PCDHA2: variants seen among roughly 807,000 people sequenced by gnomAD.
PCDHA2 encodes the protein protocadherin alpha-2.
In PCDHA2, 58 loss-of-function variants were observed where a neutral mutation model predicts 66.0. The observed-to-expected ratio is 0.88, with a 90% CI of 0.71 to 1.09. The LOEUF (loss-of-function observed/expected upper bound fraction) is 1.09, where lower values mean the gene tolerates loss of function less well. PCDHA2 is among the 50% of genes least tolerant of loss of function. The pLI, the probability that PCDHA2 is intolerant of heterozygous loss-of-function variation, is 0.00. For missense variants in PCDHA2, 1,267 were observed against 1,242.3 expected (o/e 1.02, Z -0.30); for synonymous variants, 634 against 554.0 (o/e 1.14, Z -2.03).
intron 1 of PCDHA2, among the ~76,000 whole-genome samples, chr5:140,892,256 A>AT (rs1283359328): frequency 6.6e-6 from 1 of 151,996 alleles, no homozygotes; most frequent in Non-Finnish European, 1.5e-5. Context: ...GTTATCTTTG[A>AT]TTTTGTGCTG....
chr5:140,875,402 C>T, intron 1 of PCDHA2: 1 of 1,488,874 alleles, frequency 6.7e-7, no homozygotes, highest in Non-Finnish European at 8.9e-7. Flanking sequence ...AGGGTGACTG[C>T]TCATAAAATA....
chr5:140,987,165 G>A lies in PCDHA2; in HGVS notation c.2536+4602G>A, dbSNP rs191129148. Among the ~76,000 whole-genome samples, 1,195 of 151,202 alleles carry A rather than the reference G, an allele frequency of 7.9e-3. 19 individuals are homozygous for A. The highest frequency in any genetic ancestry group is 0.027 in the African/African-American group (1,126 of 41,156). On this transcript the variant is annotated intron_variant, in intron 3 of 3. Transcript: ENST00000526136. ...GGAGGTGGAGGTTGCAGTGAGCTGA[G>A]ATTGCACCACTGCACTCCAGCCTGG...
At position 140,850,378 on chromosome 5, in the gene PCDHA2, C is replaced by T. The variant is rs1365314674; in HGVS notation, c.2388+53026C>T. On this transcript the variant is annotated intron_variant, in intron 1 of 3. Coordinates refer to ENST00000526136, the MANE Select transcript of PCDHA2 (RefSeq NM_018905.3). ...ATCCCGTTCCGCGTGGGGCTGTACA[C>T]GGGCGAGATCAGCACAACGCGTGCC... 6 of 1,597,842 alleles carry T rather than the reference C, an allele frequency of 3.8e-6. 1 individual carries two copies. Among genetic ancestry groups the T allele is most frequent in the Non-Finnish European group, 5.1e-6 (6 of 1,167,692 alleles).
intron 1 of PCDHA2, among the ~76,000 whole-genome samples, chr5:140,918,244 T>A (rs1554198493): frequency 6.6e-6 from 1 of 152,236 alleles, no homozygotes; most frequent in Non-Finnish European, 1.5e-5. Context: ...TGATTTTGTA[T>A]GCTGAAACTT....
rs1412430465 is a variant in PCDHA2 at position 141,010,516 on chromosome 5, A to C, written c.*579A>C. On this transcript the variant is annotated 3_prime_UTR_variant, in exon 4 of 4. Transcript: ENST00000526136. ...CCAGACTTTCTAAATCTTACAACTC[A>C]AGAGGTGGCAGCCACCCTCTAGGAG... 4.2e-6 allele frequency: 2 copies of C among 477,698 alleles called. No individual in the cohort carries two copies. The highest frequency in any genetic ancestry group is 7.8e-5 in the Admixed American group (2 of 25,754). The allele number at this position is 477,698 out of a possible 1,614,324, so 29.6% of individuals were successfully genotyped here.
At chr5:141,003,870 C>A (rs1345140541) in intron 3 of PCDHA2, among the ~76,000 whole-genome samples, 8 of 152,148 alleles carry the variant, frequency 5.3e-5, no homozygotes, top group Admixed American at 3.9e-4. Flanking sequence ...GTCTGAAATC[C>A]TCCTTCTAGC....
At chr5:140,969,149 G>T (rs782510891) in intron 1 of PCDHA2, 9 of 1,614,120 alleles carry the variant, frequency 5.6e-6, no homozygotes, top group Admixed American at 1.7e-5. Context: ...CTGCTACAAG[G>T]CCTGTCTGAC....
intron 1 of PCDHA2, among the ~76,000 whole-genome samples, chr5:140,956,378 G>A (rs1317429422): frequency 5.9e-5 from 9 of 152,072 alleles, no homozygotes; most frequent in African/African-American, 1.7e-4. Context: ...GAATTTTATC[G>A]AAGGCCTTTT....
At chr5:140,928,634 C>G in intron 1 of PCDHA2, 1 of 1,614,216 alleles carries the variant, frequency 6.2e-7, no homozygotes, top group Non-Finnish European at 8.5e-7. Flanking sequence ...CACTTGGTCA[C>G]AAAAGTGGTA....
intron 1 of PCDHA2, among the ~76,000 whole-genome samples, chr5:140,894,240 ATTTTC>A (rs2064382890): frequency 6.6e-6 from 1 of 151,828 alleles, no homozygotes; most frequent in African/African-American, 2.4e-5. Flanking sequence ...TGACAATGTA[ATTTTC>A]TTTTCTTTAC....
intron 1 of PCDHA2, among the ~76,000 whole-genome samples, chr5:140,874,018 G>T (rs1033387450): frequency 1.3e-5 from 2 of 152,114 alleles, no homozygotes; most frequent in Admixed American, 1.3e-4. Context: ...TTTTGAAAAT[G>T]AAAAATAGGA....
chr5:140,872,265 T>G (rs2053570965), intron 1 of PCDHA2, among the ~76,000 whole-genome samples: 1 of 152,164 alleles, frequency 6.6e-6, no homozygotes, highest in South Asian at 2.1e-4. Context: ...TGTTTTCATA[T>G]TGTTTGAAGA....
chr5:140,835,773 G>T (rs2150244448), intron 1 of PCDHA2: 8 of 1,613,392 alleles, frequency 5.0e-6, no homozygotes, highest in Non-Finnish European at 6.8e-6. Context: ...TACGGTGTTC[G>T]TGAAGGAGAA....
chr5:140,823,672 A>T, intron 1 of PCDHA2: 15 of 1,614,048 alleles, frequency 9.3e-6, no homozygotes, highest in Non-Finnish European at 1.3e-5. Flanking sequence ...GATCAGCACA[A>T]CACGCTCTCT....
chr5:140,916,268 T>C (rs1190209711), intron 1 of PCDHA2, among the ~76,000 whole-genome samples: 3 of 152,206 alleles, frequency 2.0e-5, no homozygotes, highest in Non-Finnish European at 4.4e-5. Flanking sequence ...AAGAGCATGC[T>C]TGTTGCTCTA....
chr5:140,830,763 A>T, intron 1 of PCDHA2: 1 of 176,090 alleles, frequency 5.7e-6, no homozygotes, highest in Non-Finnish European at 1.2e-5. Context: ...TTTAATTCAG[A>T]ATCATAGTAG....
At chr5:140,914,263 G>T (rs950921953) in intron 1 of PCDHA2, among the ~76,000 whole-genome samples, 2 of 151,932 alleles carry the variant, frequency 1.3e-5, no homozygotes, top group South Asian at 2.1e-4. Flanking sequence ...TTCAATGGTG[G>T]GTGCATATAT....
At chr5:140,838,077 AGTGTGTGTG>A (rs1443750865) in intron 1 of PCDHA2, among the ~76,000 whole-genome samples, 47 of 80,696 alleles carry the variant, frequency 5.8e-4, no homozygotes, top group South Asian at 1.3e-3. Flanking sequence ...ATATATATAT[AGTGTGTGTG>A]TGTGTGTGTG....
At chr5:140,952,789 A>T (rs564361136) in intron 1 of PCDHA2, among the ~76,000 whole-genome samples, 1 of 152,316 alleles carries the variant, frequency 6.6e-6, no homozygotes, top group South Asian at 2.1e-4. Context: ...AAAGAGGTTT[A>T]ACTGGCTCGC....
Sources: gnomAD v4.1 joint callset for allele counts (sites outside exome capture counted in the v4.1 genomes callset) on GRCh38, gnomAD v4.1.1 for gene constraint, MANE v1.5 for transcripts, NCBI Gene and HGNC (gene_info 2026-07-23, HGNC 2026-07-21) for gene names.